The following ZNF536 variants were observed in gnomAD, a reference collection of about 807,000 sequenced individuals.
The protein encoded by ZNF536 is zinc finger protein 536.
In ZNF536, 13 loss-of-function variants were observed where a neutral mutation model predicts 84.5. The observed-to-expected ratio is 0.15, with a 90% CI of 0.10 to 0.24. ZNF536 has a LOEUF of 0.24. Among genes scored for constraint, ZNF536 ranks in the 10% least tolerant of loss-of-function variants. The pLI, the probability that ZNF536 is intolerant of heterozygous loss-of-function variation, is 1.00. For missense variants in ZNF536, 1,536 were observed against 1,747.5 expected (o/e 0.88, Z 2.16); for synonymous variants, 811 against 742.5 (o/e 1.09, Z -1.50).
chr19:30,666,508 C>G (rs998243091), intron 1 of ZNF536, among the ~76,000 whole-genome samples: 3 of 152,066 alleles, frequency 2.0e-5, no homozygotes, highest in Admixed American at 1.3e-4. Flanking sequence ...AGATGGCGGC[C>G]TCTGCACAGA....
At chr19:30,651,213 CG>C (rs781104206) in intron 1 of ZNF536, among the ~76,000 whole-genome samples, 1 of 152,188 alleles carries the variant, frequency 6.6e-6, no homozygotes, top group Admixed American at 6.5e-5. Context: ...GTACCGGAAG[CG>C]GGGCTGCTTT....
chr19:30,567,239 G>A (rs2046385851), intron 1 of ZNF536, among the ~76,000 whole-genome samples: 4 of 152,216 alleles, frequency 2.6e-5, no homozygotes, highest in Non-Finnish European at 4.4e-5. Flanking sequence ...TCTGAGCCAC[G>A]ATTCTGCGAT....
intron 1 of ZNF536, among the ~76,000 whole-genome samples, chr19:30,585,403 G>T (rs2047061948): frequency 6.6e-6 from 1 of 152,170 alleles, no homozygotes; most frequent in African/African-American, 2.4e-5. Context: ...TGGATGAATG[G>T]ATGGATGAAC....
chr19:30,562,317 A>C (rs1170830577), downstream of ZNF536, among the ~76,000 whole-genome samples: 2 of 152,192 alleles, frequency 1.3e-5, no homozygotes, highest in Non-Finnish European at 2.9e-5. Context: ...GCATAAGAGC[A>C]TGCAGGCTTT....
intron 2 of ZNF536, among the ~76,000 whole-genome samples, chr19:30,464,610 A>G (rs1195551202): frequency 6.6e-6 from 1 of 151,844 alleles, no homozygotes; most frequent in Non-Finnish European, 1.5e-5. Flanking sequence ...CTGCTTGGAA[A>G]TGTGTGCAGC....
intron 2 of ZNF536, among the ~76,000 whole-genome samples, chr19:30,450,439 T>C (rs952544439): frequency 1.3e-5 from 2 of 152,232 alleles, no homozygotes; most frequent in Non-Finnish European, 2.9e-5. Context: ...TTCTTCCTCC[T>C]GTTCCAGTCC....
chr19:30,588,179 A>G (rs950281714), intron 1 of ZNF536, among the ~76,000 whole-genome samples: 6 of 152,326 alleles, frequency 3.9e-5, no homozygotes, highest in African/African-American at 1.4e-4. Flanking sequence ...TTACTGGCTC[A>G]TATGGTGGTC....
chr19:30,592,414 A>G (rs956853756), intron 1 of ZNF536, among the ~76,000 whole-genome samples: 24 of 152,240 alleles, frequency 1.6e-4, no homozygotes, highest in African/African-American at 5.5e-4. Context: ...GTGGAAAGAA[A>G]ATGGGTCAGG....
intron 1 of ZNF536, among the ~76,000 whole-genome samples, chr19:30,666,621 A>G (rs1402713253): frequency 6.6e-6 from 1 of 151,972 alleles, no homozygotes; most frequent in African/African-American, 2.4e-5. Context: ...GGGGTAGCAG[A>G]ATCCTCAGAA....
At chr19:30,572,137 T>C (rs2046569827) in intron 1 of ZNF536, among the ~76,000 whole-genome samples, 1 of 152,176 alleles carries the variant, frequency 6.6e-6, no homozygotes, top group Non-Finnish European at 1.5e-5. Flanking sequence ...TGCCTTTGGA[T>C]TTGTGTAGTT....
intron 1 of ZNF536, among the ~76,000 whole-genome samples, chr19:30,634,322 A>T (rs10417396): frequency 0.44 from 67,122 of 152,042 alleles, 15,639 homozygotes; most frequent in Admixed American, 0.54. Flanking sequence ...TGTATCAACA[A>T]TAGTGGTCGA....
At chr19:30,504,198 A>G (rs1433071813) in intron 2 of ZNF536, among the ~76,000 whole-genome samples, 8 of 150,042 alleles carry the variant, frequency 5.3e-5, no homozygotes. Context: ...GGTAGATACT[A>G]TTCTTCCCTC....
At chr19:30,269,660 C>G (rs778949622) in intron 1 of ZNF536, among the ~76,000 whole-genome samples, 4 of 152,172 alleles carry the variant, frequency 2.6e-5, no homozygotes, top group Non-Finnish European at 1.5e-5. Context: ...AGGTTACATT[C>G]CTCCTCCTAC....
intron 1 of ZNF536, among the ~76,000 whole-genome samples, chr19:30,643,564 A>C (rs142506642): frequency 6.6e-6 from 1 of 152,296 alleles, no homozygotes; most frequent in East Asian, 1.9e-4. Flanking sequence ...ATTTCAAGAC[A>C]CATTCCGGAC....
chr19:30,579,034 A>G (rs1183703936), intron 1 of ZNF536, among the ~76,000 whole-genome samples: 1 of 152,192 alleles, frequency 6.6e-6, no homozygotes. Context: ...TGACATAACT[A>G]TATAAGATTA....
intron 2 of ZNF536, among the ~76,000 whole-genome samples, chr19:30,332,342 G>A (rs968665677): frequency 6.6e-6 from 1 of 152,088 alleles, no homozygotes; most frequent in African/African-American, 2.4e-5. Context: ...GGGCCCCAGT[G>A]GCCCCAGCCT....
At chr19:30,500,263 G>T (rs1293639324) in intron 2 of ZNF536, among the ~76,000 whole-genome samples, 1 of 152,186 alleles carries the variant, frequency 6.6e-6, no homozygotes, top group Non-Finnish European at 1.5e-5. Flanking sequence ...TCTCACTCCT[G>T]GTTCTAGAAT....
At chr19:30,458,154 C>T (rs550460704) in intron 2 of ZNF536, among the ~76,000 whole-genome samples, 7 of 152,294 alleles carry the variant, frequency 4.6e-5, no homozygotes, top group Non-Finnish European at 7.4e-5. Context: ...CACACATTTT[C>T]GGGGCCATGC....
intron 1 of ZNF536, among the ~76,000 whole-genome samples, chr19:30,388,233 T>G (rs1193540586): frequency 6.6e-6 from 1 of 152,244 alleles, no homozygotes; most frequent in African/African-American, 2.4e-5. Context: ...ATGGATCGCC[T>G]TGGCCTGGGA....
Sources: gnomAD v4.1 joint callset for allele counts (sites outside exome capture counted in the v4.1 genomes callset) on GRCh38, gnomAD v4.1.1 for gene constraint, MANE v1.5 for transcripts, NCBI Gene and HGNC (gene_info 2026-07-23, HGNC 2026-07-21) for gene names.